SLC25A21: variants seen among roughly 807,000 people sequenced by gnomAD.
SLC25A21 encodes the protein solute carrier family 25 member 21, also known as mitochondrial 2-oxodicarboxylate carrier.
SLC25A21 carries 47 observed loss-of-function variants against 43.8 expected under a neutral mutation model. The observed-to-expected ratio is 1.07, with a 90% CI of 0.85 to 1.37. The LOEUF (loss-of-function observed/expected upper bound fraction) is 1.37, where lower values mean the gene tolerates loss of function less well. SLC25A21 is among the 40% of genes most tolerant of loss of function. The pLI, the probability that SLC25A21 is intolerant of heterozygous loss-of-function variation, is 0.00. For missense variants in SLC25A21, 352 were observed against 350.2 expected, an observed-to-expected ratio of 1.00 and a Z score of -0.04; for synonymous variants, 131 against 121.3, an observed-to-expected ratio of 1.08 and a Z score of -0.52.
intron 1 of SLC25A21, among the ~76,000 whole-genome samples, chr14:37,143,589 CGTGT>C (rs10531936): frequency 1.5e-3 from 221 of 148,274 alleles, no homozygotes; most frequent in Middle Eastern, 3.5e-3. Context: ...TGTTCATTAG[CGTGT>C]GTGTGTGTGT....
intron 1 of SLC25A21, among the ~76,000 whole-genome samples, chr14:37,080,873 C>T (rs142016872): frequency 2.0e-5 from 3 of 152,214 alleles, no homozygotes; most frequent in South Asian, 2.1e-4. Flanking sequence ...GATAACAGGA[C>T]GGTGGCAGGG....
At chr14:36,800,146 T>G (rs1204666544) in intron 3 of SLC25A21, among the ~76,000 whole-genome samples, 1 of 152,208 alleles carries the variant, frequency 6.6e-6, no homozygotes, top group Admixed American at 6.5e-5. Flanking sequence ...AACATAATTC[T>G]CATAGCTTTT....
intron 1 of SLC25A21, 86 bp from the exon 2 acceptor site, chr14:36,875,090 G>T: frequency 9.1e-7 from 1 of 1,099,880 alleles, no homozygotes; most frequent in Non-Finnish European, 1.3e-6. Flanking sequence ...TCGAGTGTGA[G>T]GGTTCAGATA....
At chr14:36,725,836 T>C (rs1884583729) in intron 5 of SLC25A21, among the ~76,000 whole-genome samples, 159 bp from the exon 6 acceptor site, 1 of 152,198 alleles carries the variant, frequency 6.6e-6, no homozygotes. Context: ...AGTTCTTGAT[T>C]AGATGCTGAC....
rs1892562126 is a variant in SLC25A21 at position 36,941,701 on chromosome 14, G to A, written c.71-66697C>T. Among the ~76,000 whole-genome samples, 3 of 151,502 alleles carry A rather than the reference G, an allele frequency of 2.0e-5. No homozygotes were observed. In the South Asian group the frequency reaches 6.3e-4, roughly 32 times the overall value. Reference sequence around the variant, plus strand: ...ATTTTAAATGCTATTCTTCATTAATGGTCAAAATATTAACTGCTAATTATT... The same window carrying A: ...ATTTTAAATGCTATTCTTCATTAATAGTCAAAATATTAACTGCTAATTATT... On this transcript the variant is annotated intron_variant, in intron 1 of 9. Transcript: ENST00000331299.
At chr14:37,131,283 C>T (rs1302448580) in intron 1 of SLC25A21, among the ~76,000 whole-genome samples, 1 of 152,194 alleles carries the variant, frequency 6.6e-6, no homozygotes, top group Non-Finnish European at 1.5e-5. Flanking sequence ...TCAATGTTAA[C>T]ACTAAGGCAT....
rs546524175 is a variant in SLC25A21 at position 36,695,392 on chromosome 14, A to G, written c.604-10467T>C. Reference sequence around the variant, plus strand: ...TGGCTTAGGATTGTCTTGGCAATGCAGGCTCTTTTTCGGTTCCATATGAAT... The same window carrying G: ...TGGCTTAGGATTGTCTTGGCAATGCGGGCTCTTTTTCGGTTCCATATGAAT... On this transcript the variant is annotated intron_variant, in intron 7 of 9. Coordinates refer to ENST00000331299, the MANE Select transcript of SLC25A21 (RefSeq NM_030631.4). Among the ~76,000 whole-genome samples the G allele has an allele frequency of 6.7e-3, 1,016 of 152,282 alleles. 16 individuals are homozygous for G. The highest frequency in any genetic ancestry group is 0.023 in the African/African-American group (976 of 41,552).
intron 1 of SLC25A21, among the ~76,000 whole-genome samples, chr14:36,941,253 G>C (rs891592486): frequency 2.0e-5 from 3 of 152,036 alleles, no homozygotes; most frequent in Admixed American, 2.0e-4. Flanking sequence ...CATATTTTTA[G>C]AAATCATGCT....
At chr14:37,132,995 G>A (rs1328397721) in intron 1 of SLC25A21, among the ~76,000 whole-genome samples, 2 of 152,118 alleles carry the variant, frequency 1.3e-5, no homozygotes, top group Non-Finnish European at 2.9e-5. Context: ...CTCCCAAAGA[G>A]TTGGGTTTAC....
intron 3 of SLC25A21, among the ~76,000 whole-genome samples, chr14:36,811,770 T>C (rs1167494926): frequency 2.6e-5 from 4 of 152,234 alleles, no homozygotes; most frequent in Non-Finnish European, 5.9e-5. Context: ...CAAAATGAAA[T>C]TTAATTTCTA....
chr14:36,740,088 C>T (rs553308872), intron 3 of SLC25A21, among the ~76,000 whole-genome samples: 23 of 152,252 alleles, frequency 1.5e-4, no homozygotes, highest in African/African-American at 4.8e-4. Context: ...ATCATTGCTC[C>T]CAAGCTAAGG....
intron 3 of SLC25A21, among the ~76,000 whole-genome samples, chr14:36,790,555 A>C (rs990274674): frequency 3.9e-5 from 6 of 152,120 alleles, no homozygotes; most frequent in African/African-American, 1.2e-4. Context: ...AAATACTCAA[A>C]ATGTTCTCTG....
intron 1 of SLC25A21, among the ~76,000 whole-genome samples, chr14:36,993,003 C>G (rs1960296670): frequency 6.6e-6 from 1 of 152,198 alleles, no homozygotes; most frequent in African/African-American, 2.4e-5. Context: ...CAGCAATTAT[C>G]TAATTACTCA....
intron 2 of SLC25A21, among the ~76,000 whole-genome samples, chr14:36,831,029 G>A (rs1889021548): frequency 6.6e-6 from 1 of 152,164 alleles, no homozygotes; most frequent in African/African-American, 2.4e-5. Flanking sequence ...TATGTAGATA[G>A]CAATTTATAT....
At chr14:36,990,900 G>T (rs1960249167) in intron 1 of SLC25A21, among the ~76,000 whole-genome samples, 1 of 147,872 alleles carries the variant, frequency 6.8e-6, no homozygotes, top group Non-Finnish European at 1.5e-5. Flanking sequence ...GTGAGACCCT[G>T]CTTCAAAAAA....
At chr14:37,123,118 G>A (rs1222624240) in intron 1 of SLC25A21, among the ~76,000 whole-genome samples, 1 of 152,174 alleles carries the variant, frequency 6.6e-6, no homozygotes, top group East Asian at 1.9e-4. Context: ...GTTTTCTAAA[G>A]CACTTTGGCA....
intron 3 of SLC25A21, among the ~76,000 whole-genome samples, chr14:36,767,791 A>G (rs1886470029): frequency 1.3e-5 from 2 of 152,188 alleles, no homozygotes; most frequent in Admixed American, 1.3e-4. Flanking sequence ...TGACACCCAA[A>G]CGGATTTCTA....
intron 2 of SLC25A21, among the ~76,000 whole-genome samples, chr14:36,859,848 G>A (rs1220151786): frequency 6.6e-6 from 1 of 152,098 alleles, no homozygotes; most frequent in African/African-American, 2.4e-5. Flanking sequence ...GTGTGTTTGT[G>A]TTTTATTTTT....
At chr14:36,886,202 A>C (rs112864173) in intron 1 of SLC25A21, among the ~76,000 whole-genome samples, 256 of 152,270 alleles carry the variant, frequency 1.7e-3, no homozygotes, top group African/African-American at 5.8e-3. Flanking sequence ...AATTATAAGC[A>C]ATGTGAGACT....
Sources: allele counts gnomAD v4.1 joint callset (sites outside exome capture counted in the v4.1 genomes callset), GRCh38; gene constraint gnomAD v4.1.1; transcripts MANE v1.5; gene names NCBI Gene and HGNC (gene_info 2026-07-23, HGNC 2026-07-21).